Variants in SYTL3 observed in about 807,000 individuals in gnomAD.
The protein encoded by SYTL3 is synaptotagmin like 3.
SYTL3 carries 88 observed loss-of-function variants against 82.1 expected under a neutral mutation model. The observed-to-expected ratio is 1.07, with a 90% CI of 0.90 to 1.28. The LOEUF (loss-of-function observed/expected upper bound fraction) is 1.28, where lower values mean the gene tolerates loss of function less well. SYTL3 is among the 50% of genes most tolerant of loss of function. The probability of loss-of-function intolerance (pLI) is 0.00; values close to 1 mark genes in which losing one functional copy is unlikely to be tolerated. For synonymous variants in SYTL3, 311 were observed against 289.4 expected, an observed-to-expected ratio of 1.07 and a Z score of -0.76; for missense variants, 831 against 757.6, an observed-to-expected ratio of 1.10 and a Z score of -1.14.
chr6:158,735,534 C>G (rs922330694), intron 11 of SYTL3, among the ~76,000 whole-genome samples: 3 of 152,122 alleles, frequency 2.0e-5, no homozygotes, highest in African/African-American at 4.8e-5. Context: ...AACTGAACTC[C>G]CACAAAACAA....
At chr6:158,755,603 C>T (rs1045171976) in intron 13 of SYTL3, among the ~76,000 whole-genome samples, 5 of 152,220 alleles carry the variant, frequency 3.3e-5, no homozygotes, top group African/African-American at 1.2e-4. Context: ...TGCGCCTCCC[C>T]TCTGTTTGCA....
intron 13 of SYTL3, among the ~76,000 whole-genome samples, chr6:158,756,617 C>T (rs1362025601): frequency 6.7e-6 from 1 of 149,516 alleles, no homozygotes; most frequent in Non-Finnish European, 1.5e-5. Flanking sequence ...GAGGCTAAGG[C>T]AGGAGAATCG....
At chr6:158,694,530 AG>A (rs201078957) in intron 6 of SYTL3, among the ~76,000 whole-genome samples, 2,447 of 152,216 alleles carry the variant, frequency 0.016, 63 homozygotes, top group African/African-American at 0.057. Context: ...CCTGGGCTCA[AG>A]TGATCTGCCC....
intron 6 of SYTL3, among the ~76,000 whole-genome samples, chr6:158,693,274 G>A (rs191829321): frequency 6.6e-6 from 1 of 152,330 alleles, no homozygotes; most frequent in East Asian, 1.9e-4. Flanking sequence ...CTGGAGCACA[G>A]TGGCGGGATC....
intron 8 of SYTL3, among the ~76,000 whole-genome samples, chr6:158,708,619 T>C (rs1373765138): frequency 6.6e-6 from 1 of 152,224 alleles, no homozygotes; most frequent in Non-Finnish European, 1.5e-5. Flanking sequence ...CGACCCTTTC[T>C]GCCTGCACCC....
rs1207015168 is a variant in SYTL3, at chr6:158,762,630, ACTCAGGCTGGACGCAGTGG to A, written c.1517+456_1517+474del. On this transcript the variant is annotated intron_variant, in intron 16 of 17. Transcript: ENST00000611299. ...AGGGAAAAATGACGGTCAAGATAGA[ACTCAGGCTGGACGCAGTGG>A]CTCGTGCCTGTAATCCCAGCACTTT... Among the ~76,000 whole-genome samples, 4 of 152,060 alleles carry A rather than the reference ACTCAGGCTGGACGCAGTGG, an allele frequency of 2.6e-5. No individual in the cohort carries two copies. The East Asian group carries it at 5.8e-4, about 22-fold the overall frequency.
upstream of SYTL3, among the ~76,000 whole-genome samples, chr6:158,648,967 C>T (rs911209942): frequency 6.6e-6 from 1 of 152,160 alleles, no homozygotes; most frequent in Non-Finnish European, 1.5e-5. Flanking sequence ...TGCTGAAATA[C>T]CTCTGTACCC....
At chr6:158,704,205 A>G (rs888360185) in intron 6 of SYTL3, among the ~76,000 whole-genome samples, 4 of 151,984 alleles carry the variant, frequency 2.6e-5, no homozygotes, top group African/African-American at 7.2e-5. Context: ...AGTGCCCATG[A>G]AGTTTCGTGG....
intron 11 of SYTL3, among the ~76,000 whole-genome samples, chr6:158,734,711 C>T (rs569054864): frequency 5.9e-5 from 9 of 152,244 alleles, no homozygotes; most frequent in African/African-American, 1.4e-4. Flanking sequence ...AGAGTTGGCT[C>T]ATCTGTTGGG....
rs918818307 is a variant in SYTL3, at chr6:158,700,199, T to C, written c.395-7031T>C. On this transcript the variant is annotated intron_variant, in intron 6 of 17. Coordinates refer to ENST00000611299, the MANE Select transcript of SYTL3 (RefSeq NM_001242394.2). ...TGAACCCGGGAGGCAGAGGTTGCGG[T>C]GAGCCGAGATCGCACCATTGTACTC... Among the ~76,000 whole-genome samples, 3 of 152,118 alleles carry C rather than the reference T, an allele frequency of 2.0e-5. No homozygotes were observed. The South Asian group carries it at 6.2e-4, about 32-fold the overall frequency.
At chr6:158,731,155 G>A (rs569697477) in intron 11 of SYTL3, among the ~76,000 whole-genome samples, 1 of 151,766 alleles carries the variant, frequency 6.6e-6, no homozygotes, top group Admixed American at 6.6e-5. Context: ...ATGGTGGCGG[G>A]CGCCTGTAAT....
intron 6 of SYTL3, among the ~76,000 whole-genome samples, chr6:158,701,736 A>G (rs1457945081): frequency 1.3e-5 from 2 of 151,898 alleles, no homozygotes; most frequent in Admixed American, 1.3e-4. Flanking sequence ...GAGTGCCACA[A>G]CCTGGGGATC....
At chr6:158,692,033 G>A (rs924742661) in intron 6 of SYTL3, among the ~76,000 whole-genome samples, 6 of 145,486 alleles carry the variant, frequency 4.1e-5, no homozygotes, top group South Asian at 2.2e-4. Flanking sequence ...CGAGGCGGGC[G>A]GATCACGAGG....
Position 158,764,628 on chromosome 6 carries a change from T to C in SYTL3, c.*24T>C, listed in dbSNP as rs778727826. Reference sequence around the variant, plus strand: ...GACATGAAGGCCTCAAGGTTCCAGGTTGCAGCAGGCGTGAGGCACTGTGCG... The same window carrying C: ...GACATGAAGGCCTCAAGGTTCCAGGCTGCAGCAGGCGTGAGGCACTGTGCG... On this transcript the variant is annotated 3_prime_UTR_variant, in exon 18 of 18. Coordinates refer to ENST00000611299, the MANE Select transcript of SYTL3 (RefSeq NM_001242394.2). 24 of 1,570,948 alleles carry C rather than the reference T, an allele frequency of 1.5e-5. No homozygotes were observed. Among genetic ancestry groups the C allele is most frequent in the Middle Eastern group, 1.7e-4 (1 of 5,986 alleles).
chr6:158,654,302 T>C (rs778321031), intron 2 of SYTL3, among the ~76,000 whole-genome samples: 1 of 152,154 alleles, frequency 6.6e-6, no homozygotes, highest in Non-Finnish European at 1.5e-5. Context: ...AATGCAGAGA[T>C]TGAGTCTCAC....
intron 13 of SYTL3, among the ~76,000 whole-genome samples, chr6:158,756,973 G>A (rs1485056805): frequency 4.0e-5 from 6 of 151,410 alleles, no homozygotes; most frequent in African/African-American, 1.5e-4. Context: ...TGGGGAGTAG[G>A]GGGAGGGGTT....
chr6:158,650,808 G>A (rs1184062869), intron 1 of SYTL3, among the ~76,000 whole-genome samples: 1 of 151,802 alleles, frequency 6.6e-6, no homozygotes, highest in Non-Finnish European at 1.5e-5. Context: ...AAAATTAGCT[G>A]GGTGTGGTGG....
At chr6:158,694,507 C>G (rs143216227) in intron 6 of SYTL3, among the ~76,000 whole-genome samples, 7,678 of 152,042 alleles carry the variant, frequency 0.05, 512 homozygotes, top group African/African-American at 0.15. Flanking sequence ...ATTGCCCAGG[C>G]TGGTCCTGAA....
intron 12 of SYTL3, among the ~76,000 whole-genome samples, chr6:158,749,226 T>A (rs1788047538): frequency 1.2e-5 from 1 of 85,088 alleles, no homozygotes; most frequent in African/African-American, 5.1e-5. Flanking sequence ...CTCCCTCTCA[T>A]TAAATAATAA....
Sources: allele counts gnomAD v4.1 joint callset (sites outside exome capture counted in the v4.1 genomes callset), GRCh38; gene constraint gnomAD v4.1.1; transcripts MANE v1.5; gene names NCBI Gene and HGNC (gene_info 2026-07-23, HGNC 2026-07-21).